Variants in RFX2 observed in about 807,000 individuals in gnomAD.
The protein encoded by RFX2 is regulatory factor X2.
RFX2 carries 20 observed loss-of-function variants against 87.8 expected under a neutral mutation model. The ratio of observed to expected loss-of-function variants is 0.23; its 90% CI spans 0.16 to 0.33. The LOEUF (loss-of-function observed/expected upper bound fraction) is 0.33, where lower values mean the gene tolerates loss of function less well. RFX2 is among the 10% of genes least tolerant of loss of function. RFX2 has a pLI of 1.00. For missense variants in RFX2, 767 were observed against 1,012.3 expected (o/e 0.76, Z 3.29); for synonymous variants, 397 against 431.3 (o/e 0.92, Z 0.98).
intron 1 of RFX2, among the ~76,000 whole-genome samples, chr19:6,055,850 G>A (rs1045506791): frequency 6.6e-6 from 1 of 152,084 alleles, no homozygotes; most frequent in South Asian, 2.1e-4. Context: ...AGCTAATAGA[G>A]GAATACTACT....
In RFX2 at chr19:6,059,646, T is replaced by C. The variant is rs149173412; in HGVS notation, c.-8-12142A>G. Among the ~76,000 whole-genome samples, 1,252 of 151,910 alleles carry C rather than the reference T, an allele frequency of 8.2e-3. 15 individuals carry two copies. Among genetic ancestry groups the C allele is most frequent in the African/African-American group, 0.029 (1,197 of 41,392 alleles). On this transcript the variant is annotated intron_variant, in intron 1 of 17. Coordinates refer to ENST00000303657, the MANE Select transcript of RFX2 (RefSeq NM_000635.4). ...GGAGTGGATATCTGTCCCCCAGGAG[T>C]GGACATGAGAGTGTCACACACACAC...
At chr19:6,086,520 T>C (rs2087857985) in intron 1 of RFX2, among the ~76,000 whole-genome samples, 1 of 152,232 alleles carries the variant, frequency 6.6e-6, no homozygotes, top group South Asian at 2.1e-4. Flanking sequence ...CATTATAATC[T>C]TATGGGATCA....
At chr19:6,091,882 A>G (rs2087941296) in intron 1 of RFX2, among the ~76,000 whole-genome samples, 1 of 152,236 alleles carries the variant, frequency 6.6e-6, no homozygotes, top group Non-Finnish European at 1.5e-5. Flanking sequence ...GCATTTTACA[A>G]TCAGGAATCT....
Position 6,007,711 on chromosome 19 carries a change from C to T in RFX2, c.1226G>A (p.Gly409Asp). Residue 409 changes from glycine to aspartate, a missense_variant, in exon 11 of 18, where the codon GGC becomes GAC. Physicochemically the swap from Gly to Asp is moderately conservative, Grantham distance 94. This residue lies in a region of RFX2 where 621 missense variants were observed against 873.0 expected (regional missense o/e 0.71). Coordinates refer to ENST00000303657, the MANE Select transcript of RFX2 (RefSeq NM_000635.4). The surrounding 1 kb of genome is among the most constrained non-coding windows in gnomAD (Gnocchi z 8.2). ...FWNSKASSSD[G>D]PTSLPASDED... ...TCACCTGGCAGGAAGAGAGGTGGGG[C>T]CGTCGCTGGAGGAGGCCTTAGAGTT... The T allele has an allele frequency of 2.6e-6, 4 of 1,553,852 alleles. No homozygotes were observed. The highest frequency in any genetic ancestry group is 2.6e-6 in the Non-Finnish European group (3 of 1,147,562).
chr19:6,022,165 G>A lies in RFX2; in HGVS notation c.597+3998C>T, dbSNP rs2086822492. 6.6e-6 allele frequency among the ~76,000 whole-genome samples: 1 copy of A among 152,072 alleles called. No individual in the cohort carries two copies. Among genetic ancestry groups the A allele is most frequent in the Admixed American group, 6.5e-5 (1 of 15,284 alleles). On this transcript the variant is annotated intron_variant, in intron 6 of 17. Transcript: ENST00000303657. The surrounding 1 kb of genome is among the most constrained non-coding windows in gnomAD (Gnocchi z 6.2). ...GGCGCAGGGGTTGTTGAGGGTGGAGGCCACGCACTGAGCTAAGACACTAAT... is the reference window on the plus strand; with the variant it reads ...GGCGCAGGGGTTGTTGAGGGTGGAGACCACGCACTGAGCTAAGACACTAAT...
intron 1 of RFX2, among the ~76,000 whole-genome samples, chr19:6,100,735 T>C (rs2088110334): frequency 6.6e-6 from 1 of 151,908 alleles, no homozygotes; most frequent in Non-Finnish European, 1.5e-5. Context: ...ATTAAATAAC[T>C]GCAAATTGAT....
intron 1 of RFX2, among the ~76,000 whole-genome samples, chr19:6,052,204 C>T (rs1016086225): frequency 7.9e-5 from 12 of 151,968 alleles, no homozygotes; most frequent in African/African-American, 2.2e-4. Context: ...AAAGCTGGAG[C>T]GGCTGTAATA....
chr19:6,108,726 CCAG>C (rs2088259611), intron 1 of RFX2, among the ~76,000 whole-genome samples: 1 of 152,158 alleles, frequency 6.6e-6, no homozygotes, highest in Non-Finnish European at 1.5e-5. Flanking sequence ...GGTAAGGCAG[CCAG>C]CCCTGGGTCC....
chr19:6,015,900 A>G (rs1206249296), intron 7 of RFX2, among the ~76,000 whole-genome samples, 190 bp downstream of exon 7: 1 of 152,386 alleles, frequency 6.6e-6, no homozygotes, highest in East Asian at 1.9e-4. Flanking sequence ...ACCGGCTTCT[A>G]AAGCCGACAC....
chr19:6,086,556 G>A (rs922978554), intron 1 of RFX2, among the ~76,000 whole-genome samples: 11 of 152,296 alleles, frequency 7.2e-5, no homozygotes, highest in African/African-American at 2.4e-4. Context: ...TGCTGTTGAC[G>A]GAAATGTTAT....
intron 1 of RFX2, chr19:6,072,978 G>A (rs939195693): frequency 3.2e-6 from 2 of 629,158 alleles, no homozygotes; most frequent in Non-Finnish European, 5.7e-6. Context: ...TCAAGGACCA[G>A]ATATTTTTTT....
At chr19:6,070,486 G>T (rs2087591627) in intron 1 of RFX2, among the ~76,000 whole-genome samples, 1 of 152,034 alleles carries the variant, frequency 6.6e-6, no homozygotes, top group African/African-American at 2.4e-5. Flanking sequence ...ACTCTCAGCA[G>T]GGTGGACGGG....
chr19:6,008,375 CTTT>C (rs112977122), intron 9 of RFX2, 151 bp from the exon 10 acceptor site: 709 of 397,366 alleles, frequency 1.8e-3, no homozygotes, highest in South Asian at 4.0e-3. Flanking sequence ...TTTTCTTTTT[CTTT>C]TTTTTTTTTT....
At chr19:6,108,191 G>A (rs2088250715) in intron 1 of RFX2, among the ~76,000 whole-genome samples, 1 of 152,172 alleles carries the variant, frequency 6.6e-6, no homozygotes, top group Non-Finnish European at 1.5e-5. Flanking sequence ...TCCGTACCAC[G>A]CCTGTTGATG....
chr19:5,996,443 G>T (rs908251034), intron 16 of RFX2, among the ~76,000 whole-genome samples: 2 of 152,162 alleles, frequency 1.3e-5, no homozygotes, highest in Non-Finnish European at 2.9e-5. Context: ...CGTGACAGAC[G>T]CCGGACACAA....
chr19:6,099,941 TGG>T (rs2088092561), intron 1 of RFX2, among the ~76,000 whole-genome samples: 1 of 152,184 alleles, frequency 6.6e-6, no homozygotes, highest in African/African-American at 2.4e-5. Context: ...GGTAGAGGCC[TGG>T]GAGGCTGCTC....
intron 1 of RFX2, among the ~76,000 whole-genome samples, chr19:6,054,897 T>C (rs932570468): frequency 6.6e-6 from 1 of 152,198 alleles, no homozygotes; most frequent in Non-Finnish European, 1.5e-5. Context: ...CATTAAAAGA[T>C]TTTGCTAAGA....
At position 5,994,567 on chromosome 19, in the gene RFX2, G is replaced by C. The variant is rs1445036205; in HGVS notation, c.*268C>G. 2.0e-6 allele frequency: 1 copy of C among 497,924 alleles called. No homozygotes were observed. Among genetic ancestry groups the C allele is most frequent in the Admixed American group, 3.2e-5 (1 of 30,846 alleles). The allele number at this position is 497,924 out of a possible 1,614,324, so 30.8% of individuals were successfully genotyped here. On this transcript the variant is annotated 3_prime_UTR_variant, in exon 18 of 18. Coordinates refer to ENST00000303657, the MANE Select transcript of RFX2 (RefSeq NM_000635.4). The stretch of plus-strand genomic sequence containing the variant: ...CAGAGGAGGGTTTGTCCAGAATAAG[G>C]AACCCATGGTCTGGTGGGGCCCTGG...
At chr19:6,029,254 C>T (rs544228638) in intron 5 of RFX2, among the ~76,000 whole-genome samples, 8 of 140,478 alleles carry the variant, frequency 5.7e-5, no homozygotes, top group South Asian at 4.4e-4. Context: ...TTATGAGGCA[C>T]GCAAAAAAAA....
Sources: gnomAD v4.1 joint callset for allele counts (sites outside exome capture counted in the v4.1 genomes callset) on GRCh38, gnomAD v4.1.1 for gene constraint, gnomAD v4.1.1 regional missense constraint, Gnocchi (gnomAD v3.1) non-coding constraint, MANE v1.5 for transcripts, NCBI Gene and HGNC (gene_info 2026-07-23, HGNC 2026-07-21) for gene names.